ATXN2: variants seen among roughly 807,000 people sequenced by gnomAD.
ATXN2 encodes ataxin 2, also known as ataxin-2.
Under a neutral mutation model 138.6 loss-of-function variants are expected in ATXN2, and 37 were observed. That is an observed-to-expected ratio of 0.27 (90% CI 0.21 to 0.35). ATXN2 has a LOEUF of 0.35. Among genes scored for constraint, ATXN2 ranks in the 10% least tolerant of loss-of-function variants. The pLI, the probability that ATXN2 is intolerant of heterozygous loss-of-function variation, is 1.00. For missense variants in ATXN2, 1,216 were observed against 1,480.3 expected (o/e 0.82, Z 2.93); for synonymous variants, 549 against 543.7 (o/e 1.01, Z -0.13).
rs1245753983 is a variant in ATXN2, at chr12:111,510,426, G to T, written c.1715C>A (p.Ala572Asp). The T allele has an allele frequency of 6.2e-7, 1 of 1,614,116 alleles. No individual in the cohort carries two copies. The highest frequency in any genetic ancestry group is 8.5e-7 in the Non-Finnish European group (1 of 1,180,018). The change falls in exon 12 of 25, where the codon GCT becomes GAT. Residue 572 changes from alanine to aspartate, a missense_variant. By Grantham distance (126) the Ala-to-Asp change is moderately radical. Around this residue, in one of 4 missense-constraint regions of ATXN2, gnomAD observed 215 missense variants for 210.0 expected, o/e 1.02. Transcript: ENST00000673436. The part of the protein sequence containing the change: ...MPIPAASPTP[A>D]SPASNRAVTP... Reference sequence around the variant, plus strand: ...AACAGCTCTGTTCGATGCAGGACTAGCAGGCGTAGGAGATGCAGCTGGAAT... The same window carrying T: ...AACAGCTCTGTTCGATGCAGGACTATCAGGCGTAGGAGATGCAGCTGGAAT...
intron 1 of ATXN2, chr12:111,597,757 C>T (rs1885008964): frequency 1.1e-6 from 1 of 934,222 alleles, no homozygotes; most frequent in African/African-American, 1.7e-5. Flanking sequence ...GCCTTTCTGC[C>T]TTCAGGAACC....
intron 5 of ATXN2, among the ~76,000 whole-genome samples, chr12:111,535,308 T>C (rs529620449): frequency 8.5e-5 from 13 of 152,246 alleles, no homozygotes; most frequent in African/African-American, 2.9e-4. Flanking sequence ...ATTCTTCACG[T>C]TGGGATTAAA....
intron 18 of ATXN2, among the ~76,000 whole-genome samples, chr12:111,477,168 C>A (rs1198162408): frequency 1.4e-5 from 2 of 145,650 alleles, no homozygotes; most frequent in Non-Finnish European, 3.0e-5. Flanking sequence ...CATGGTGAGA[C>A]CCTGTCTCTA....
chr12:111,536,205 G>C (rs1881165508), intron 5 of ATXN2, among the ~76,000 whole-genome samples: 1 of 152,160 alleles, frequency 6.6e-6, no homozygotes, highest in Admixed American at 6.5e-5. Context: ...CTGAAAATGA[G>C]AAATCTGGAA....
chr12:111,543,931 A>G (rs1345817230), intron 5 of ATXN2, among the ~76,000 whole-genome samples: 1 of 152,112 alleles, frequency 6.6e-6, no homozygotes, highest in Non-Finnish European at 1.5e-5. Flanking sequence ...TTTAAAAATT[A>G]GCCGGGCATA....
At chr12:111,540,121 G>A (rs1278646705) in intron 5 of ATXN2, among the ~76,000 whole-genome samples, 2 of 149,652 alleles carry the variant, frequency 1.3e-5, no homozygotes, top group East Asian at 1.9e-4. Flanking sequence ...TTTCCCAGGA[G>A]TATGAAATAG....
intron 1 of ATXN2, among the ~76,000 whole-genome samples, chr12:111,588,062 C>T (rs1019078649): frequency 6.6e-6 from 1 of 151,894 alleles, no homozygotes; most frequent in African/African-American, 2.4e-5. Flanking sequence ...TGGGGCGCAC[C>T]AGTAGTTCCA....
At chr12:111,526,334 G>A (rs1246712830) in intron 5 of ATXN2, among the ~76,000 whole-genome samples, 3 of 150,096 alleles carry the variant, frequency 2.0e-5, no homozygotes, top group Non-Finnish European at 3.0e-5. Context: ...CCAGCCTGGC[G>A]ACAGAGTGAG....
intron 1 of ATXN2, among the ~76,000 whole-genome samples, chr12:111,583,118 G>A (rs749508202): frequency 3.3e-5 from 5 of 150,392 alleles, no homozygotes; most frequent in African/African-American, 7.4e-5. Flanking sequence ...TCAGCCTCTC[G>A]AGTAGCTGGG....
At chr12:111,515,930 A>C (rs2135736409) in intron 10 of ATXN2, among the ~76,000 whole-genome samples, 1 of 152,308 alleles carries the variant, frequency 6.6e-6, no homozygotes, top group East Asian at 1.9e-4. Context: ...GGCAGAGATA[A>C]ACCCCCTTTT....
chr12:111,564,005 C>A (rs190443101), intron 1 of ATXN2, among the ~76,000 whole-genome samples: 1 of 152,140 alleles, frequency 6.6e-6, no homozygotes. Context: ...GAAAATGATG[C>A]CTCTTCCAGG....
At chr12:111,476,637 AACTC>A (rs1401831590) in intron 18 of ATXN2, among the ~76,000 whole-genome samples, 1 of 152,240 alleles carries the variant, frequency 6.6e-6, no homozygotes, top group Non-Finnish European at 1.5e-5. Flanking sequence ...TTTAAAATAT[AACTC>A]ACAACAGCAC....
Position 111,452,933 on chromosome 12 carries a change from G to A in ATXN2, c.3440-93C>T, listed in dbSNP as rs922886979. ...CAGCACATGATTGTAAACTATCCTC[G>A]TGCTAGCTGAACAAAACTCAAAATT... On this transcript the variant is annotated intron_variant, in intron 24 of 24. Coordinates refer to ENST00000673436, the MANE Select transcript of ATXN2 (RefSeq NM_001372574.1). 100 of 1,201,760 alleles carry A rather than the reference G, an allele frequency of 8.3e-5. 2 individuals carry two copies. Among genetic ancestry groups the A allele is most frequent in the South Asian group, 6.2e-4 (32 of 51,784 alleles). 74.4% of individuals were successfully genotyped at this position (1,201,760 alleles called of 1,614,324 possible). A position where few individuals can be genotyped will look rare whatever the true frequency, so the allele number is the denominator to read the frequency against.
intron 1 of ATXN2, among the ~76,000 whole-genome samples, chr12:111,558,609 G>C (rs1882510672): frequency 6.6e-6 from 1 of 152,044 alleles, no homozygotes; most frequent in South Asian, 2.1e-4. Flanking sequence ...ATCAGTCTGG[G>C]CAACAAAGCA....
chr12:111,533,572 C>A (rs76339564), intron 5 of ATXN2, among the ~76,000 whole-genome samples: 2,218 of 151,800 alleles, frequency 0.015, 63 homozygotes, highest in African/African-American at 0.051. Flanking sequence ...GTTGCGCAGG[C>A]TGGAGTGCAG....
chr12:111,535,172 TAAC>T (rs2135759658), intron 5 of ATXN2, among the ~76,000 whole-genome samples: 1 of 152,194 alleles, frequency 6.6e-6, no homozygotes, highest in East Asian at 1.9e-4. Context: ...ATGTAAAGTT[TAAC>T]AGCCATTGTT....
intron 10 of ATXN2, among the ~76,000 whole-genome samples, chr12:111,515,268 A>G (rs1421556549): frequency 2.0e-5 from 3 of 152,244 alleles, no homozygotes; most frequent in Non-Finnish European, 4.4e-5. Flanking sequence ...CATAAGCAAT[A>G]TTAACTAATT....
intron 1 of ATXN2, among the ~76,000 whole-genome samples, chr12:111,592,006 C>G (rs370209942): frequency 1.3e-5 from 2 of 151,092 alleles, no homozygotes; most frequent in South Asian, 4.2e-4. Flanking sequence ...CGCTTGAACC[C>G]GGGAAACAGA....
intron 1 of ATXN2, among the ~76,000 whole-genome samples, chr12:111,573,953 T>C (rs1883483546): frequency 6.6e-6 from 1 of 151,576 alleles, no homozygotes; most frequent in African/African-American, 2.4e-5. Flanking sequence ...AAATGTTTTA[T>C]ATAGAAAAAA....
Sources: gnomAD v4.1 joint callset for allele counts (sites outside exome capture counted in the v4.1 genomes callset) on GRCh38, gnomAD v4.1.1 for gene constraint, gnomAD v4.1.1 regional missense constraint, MANE v1.5 for transcripts, NCBI Gene and HGNC (gene_info 2026-07-23, HGNC 2026-07-21) for gene names.